The following PHLDB3 variants were observed in gnomAD, a reference collection of about 807,000 sequenced individuals.
PHLDB3 encodes the protein pleckstrin homology-like domain family B member 3.
Under a neutral mutation model 85.7 loss-of-function variants are expected in PHLDB3, and 86 were observed. That is an observed-to-expected ratio of 1.00 (90% CI 0.84 to 1.20). The LOEUF (loss-of-function observed/expected upper bound fraction) is 1.20. Among genes scored for constraint, PHLDB3 ranks in the 50% most tolerant of loss-of-function variants. The pLI is 0.00. For missense variants in PHLDB3, 995 were observed against 873.0 expected (o/e 1.14, Z -1.76); for synonymous variants, 376 against 349.8 (o/e 1.07, Z -0.83).
intron 13 of PHLDB3, among the ~76,000 whole-genome samples, chr19:43,483,412 G>A (rs1971088353): frequency 6.6e-6 from 1 of 151,842 alleles, no homozygotes; most frequent in Non-Finnish European, 1.5e-5. Context: ...CCGAGTAGCT[G>A]GGACCAAAGG....
chr19:43,501,752 G>A lies in PHLDB3; in HGVS notation c.516C>T (p.Gly172=). Residue 172 remains glycine, a synonymous_variant, in exon 4 of 16, where the codon GGC becomes GGT. Coordinates refer to ENST00000292140, the MANE Select transcript of PHLDB3 (RefSeq NM_198850.4). ...AACAGACCTGTTCCCGCTGCTGGCG[G>A]CCGCGCTGCTCCGAGGCCGCCTGCT... ...LEQQAASEQR[G]RQQREQEQRR... 1 of 1,584,108 alleles carries A rather than the reference G, an allele frequency of 6.3e-7. No individual in the cohort carries two copies. The highest frequency in any genetic ancestry group is 1.3e-5 in the African/African-American group (1 of 74,480).
At chr19:43,499,357 C>T (rs1568484492) in intron 4 of PHLDB3, among the ~76,000 whole-genome samples, 2 of 151,476 alleles carry the variant, frequency 1.3e-5, no homozygotes, top group Non-Finnish European at 2.9e-5. Context: ...GGGGCTGGGG[C>T]CTGGATTCCT....
At position 43,477,432 on chromosome 19, in the gene PHLDB3, G is replaced by A. The variant is rs1057181554; in HGVS notation, c.1788+615C>T. ...CTTGGGAGGCTGAGGCAGGAGAATC[G>A]CTTGAACCCGGGAGGCAGAGGTTGC... On this transcript the variant is annotated intron_variant, in intron 15 of 15. Coordinates refer to ENST00000292140, the MANE Select transcript of PHLDB3 (RefSeq NM_198850.4). 7.3e-5 allele frequency among the ~76,000 whole-genome samples: 11 copies of A among 150,702 alleles called. No homozygotes were observed. In the South Asian group the frequency reaches 8.3e-4, roughly 11 times the overall value.
intron 13 of PHLDB3, among the ~76,000 whole-genome samples, chr19:43,484,350 A>C (rs77289026): frequency 0.013 from 1,964 of 151,840 alleles, 35 homozygotes; most frequent in African/African-American, 0.045. Context: ...TATATATTAC[A>C]ATATAATGAA....
In PHLDB3 at chr19:43,475,526, T is replaced by A. The variant is rs1018960642; in HGVS notation, c.1807A>T (p.Thr603Ser). The A allele has an allele frequency of 1.9e-6, 3 of 1,613,758 alleles. No individual in the cohort carries two copies. The highest frequency in any genetic ancestry group is 1.7e-6 in the Non-Finnish European group (2 of 1,179,860). Reference sequence around the variant, plus strand: ...CGTTCGTAGGTTTTGACGCAGAAGGTCAGGCGGGGGTTGGGGCTCTGGAAT... The same window carrying A: ...CGTTCGTAGGTTTTGACGCAGAAGGACAGGCGGGGGTTGGGGCTCTGGAAT... ...CAFKSPNPRL[T>S]FCVKTYERLF... Residue 603 changes from threonine (T) to serine (S), a missense_variant, in exon 16 of 16, where the codon ACC becomes TCC. Transcript: ENST00000292140.
At chr19:43,478,846 T>C (rs1246975840) in intron 14 of PHLDB3, among the ~76,000 whole-genome samples, 2 of 151,348 alleles carry the variant, frequency 1.3e-5, no homozygotes, top group Non-Finnish European at 2.9e-5. Flanking sequence ...GCCGGGGAGG[T>C]GGAGGTTGCA....
chr19:43,480,125 G>GA (rs1238500456), intron 13 of PHLDB3, among the ~76,000 whole-genome samples: 1 of 151,150 alleles, frequency 6.6e-6, no homozygotes, highest in Non-Finnish European at 1.5e-5. Flanking sequence ...ATTTTTTTTG[G>GA]AAAAAAGAAA....
rs762049660 is a variant in PHLDB3 at position 43,502,226 on chromosome 19, G to A, written c.271C>T (p.Arg91Trp). ...AATPPASTSS[R>W]EGVRGAARRL... is the part of the protein sequence containing the mutation. ...CGCGCCGCCCCTCGCACCCCTTCCCGCGAAGAGGTGGATGCGGGAGGTGTG... is the reference window on the plus strand; with the variant it reads ...CGCGCCGCCCCTCGCACCCCTTCCCACGAAGAGGTGGATGCGGGAGGTGTG... Residue 91 changes from arginine (R) to tryptophan (W), a missense_variant, in exon 3 of 16, where the codon CGG (arginine) becomes TGG (tryptophan). Transcript: ENST00000292140. The A allele has an allele frequency of 1.3e-6, 2 of 1,563,498 alleles. No individual in the cohort carries two copies. Among genetic ancestry groups the A allele is most frequent in the Admixed American group, 1.9e-5 (1 of 52,400 alleles).
chr19:43,477,508 C>A lies in PHLDB3; in HGVS notation c.1788+539G>T, dbSNP rs571424056. Reference sequence around the variant, plus strand: ...CTCCAGCCTGGGCAACAGAGCCAGACTCCATCTAAAAAAAAAAAAAGAGCC... The same window carrying A: ...CTCCAGCCTGGGCAACAGAGCCAGAATCCATCTAAAAAAAAAAAAAGAGCC... On this transcript the variant is annotated intron_variant, in intron 15 of 15. Transcript: ENST00000292140. 2.2e-5 allele frequency among the ~76,000 whole-genome samples: 3 copies of A among 136,474 alleles called. No homozygotes were observed. The Admixed American group carries it at 2.3e-4, about 11-fold the overall frequency. The allele number at this position is 136,474 out of a possible 152,430, so 89.5% of individuals were successfully genotyped here.
chr19:43,495,593 C>T lies in PHLDB3; in HGVS notation c.853G>A (p.Val285Ile), dbSNP rs373133325. Residue 285 changes from valine (V) to isoleucine (I), a missense_variant, in exon 7 of 16, where the codon GTC becomes ATC. Transcript: ENST00000292140. ...RRGALQHRIR[V>I]LEEQLKSLGE... The stretch of plus-strand genomic sequence containing the variant: ...AGTGACTTGAGCTGCTCTTCCAGGA[C>T]CCGGATCCGGTGCTGCAGAGCACCC... The T allele has an allele frequency of 2.5e-6, 4 of 1,609,446 alleles. No homozygotes were observed. The highest frequency in any genetic ancestry group is 2.2e-5 in the East Asian group (1 of 44,698).
chr19:43,497,956 T>A, intron 4 of PHLDB3, 80 bp from the exon 5 acceptor site: 2 of 1,518,734 alleles, frequency 1.3e-6, no homozygotes, highest in South Asian at 2.5e-5. Flanking sequence ...AGAGCCTGCC[T>A]GGGGTGTCGG....
chr19:43,489,590 G>C (rs901873990), intron 9 of PHLDB3, among the ~76,000 whole-genome samples: 1 of 151,958 alleles, frequency 6.6e-6, no homozygotes, highest in Non-Finnish European at 1.5e-5. Context: ...CACACCATGT[G>C]AATTTTGAAC....
chr19:43,496,982 A>G (rs1971471867), intron 6 of PHLDB3, 136 bp downstream of exon 6: 13 of 1,217,986 alleles, frequency 1.1e-5, no homozygotes, highest in Middle Eastern at 3.2e-4. Context: ...TAAATGTTTC[A>G]TTAGTATCAG....
chr19:43,488,808 T>G (rs898400821), intron 9 of PHLDB3, among the ~76,000 whole-genome samples: 34 of 152,006 alleles, frequency 2.2e-4, no homozygotes, highest in African/African-American at 7.5e-4. Context: ...AGACCATTTT[T>G]TTTTTTTTTG....
chr19:43,503,478 T>A (rs1971669015), intron 2 of PHLDB3, among the ~76,000 whole-genome samples: 1 of 148,366 alleles, frequency 6.7e-6, no homozygotes, highest in Non-Finnish European at 1.5e-5. Flanking sequence ...AATTTTTGTA[T>A]TTTTTTTTTC....
At chr19:43,489,935 AG>A (rs1971274467) in intron 9 of PHLDB3, among the ~76,000 whole-genome samples, 1 of 149,840 alleles carries the variant, frequency 6.7e-6, no homozygotes, top group Non-Finnish European at 1.5e-5. Context: ...TGAACCAGGG[AG>A]GCAGTGGTTG....
chr19:43,499,460 G>T lies in PHLDB3; in HGVS notation c.535-1584C>A, dbSNP rs1191746649. On this transcript the variant is annotated intron_variant, in intron 4 of 15. Transcript: ENST00000292140. ...GACTCCTGGGACAGAGGGAGAAGGG[G>T]CTGCGACCGAGATTTCTGGATCTGG... Among the ~76,000 whole-genome samples the T allele has an allele frequency of 1.3e-5, 2 of 152,052 alleles. 1 individual carries two copies. Among genetic ancestry groups the T allele is most frequent in the Admixed American group, 1.3e-4 (2 of 15,252 alleles).
intron 4 of PHLDB3, 51 bp downstream of exon 4, chr19:43,501,683 C>T (rs1445165822): frequency 9.0e-6 from 14 of 1,560,912 alleles, no homozygotes; most frequent in Non-Finnish European, 1.2e-5. Flanking sequence ...ACACCAACAT[C>T]CATGGACCAG....
intron 3 of PHLDB3, 60 bp from the exon 4 acceptor site, chr19:43,501,931 G>C (rs1444459246): frequency 5.3e-6 from 8 of 1,514,806 alleles, no homozygotes; most frequent in Non-Finnish European, 7.1e-6. Context: ...AGAGGCCCAG[G>C]GCCTGAACTA....
Sources: allele counts gnomAD v4.1 joint callset (sites outside exome capture counted in the v4.1 genomes callset), GRCh38; gene constraint gnomAD v4.1.1; transcripts MANE v1.5; gene names NCBI Gene and HGNC (gene_info 2026-07-23, HGNC 2026-07-21).